The following MALRD1 variants were observed in gnomAD, a reference collection of about 807,000 sequenced individuals.
The protein encoded by MALRD1 is MAM and LDL receptor class A domain containing 1.
A neutral mutation model predicts 242.1 loss-of-function variants in MALRD1; 247 were observed. That is an observed-to-expected ratio of 1.02 (90% confidence interval 0.92 to 1.13). The LOEUF (loss-of-function observed/expected upper bound fraction) is 1.13, where lower values mean the gene tolerates loss of function less well. Among genes scored for constraint, MALRD1 ranks in the 50% most tolerant of loss-of-function variants. MALRD1 has a pLI of 0.00. For missense variants in MALRD1, 2,989 were observed against 2,533.1 expected (o/e 1.18, Z -3.86); for synonymous variants, 995 against 866.6 (o/e 1.15, Z -2.60).
At chr10:19,272,766 G>C (rs879995539) in intron 19 of MALRD1, among the ~76,000 whole-genome samples, 2 of 152,116 alleles carry the variant, frequency 1.3e-5, no homozygotes, top group Non-Finnish European at 2.9e-5. Flanking sequence ...CCCACTGTGA[G>C]TGAGAACATG....
At chr10:19,663,415 C>G (rs1207330869) in intron 36 of MALRD1, among the ~76,000 whole-genome samples, 1 of 152,030 alleles carries the variant, frequency 6.6e-6, no homozygotes, top group Non-Finnish European at 1.5e-5. Context: ...TTTTCCTTAT[C>G]CAGTCCTCCA....
intron 28 of MALRD1, among the ~76,000 whole-genome samples, chr10:19,445,819 C>T (rs987959494): frequency 6.6e-6 from 1 of 152,218 alleles, no homozygotes; most frequent in Non-Finnish European, 1.5e-5. Flanking sequence ...CTACTGTCTT[C>T]AAAGCTGTCA....
intron 5 of MALRD1, among the ~76,000 whole-genome samples, chr10:19,118,714 C>T (rs916072519): frequency 6.6e-6 from 1 of 152,126 alleles, no homozygotes; most frequent in African/African-American, 2.4e-5. Context: ...CCATCATGGC[C>T]TGAACTAGTT....
At chr10:19,062,571 A>G (rs1834853970) in intron 1 of MALRD1, among the ~76,000 whole-genome samples, 3 of 151,712 alleles carry the variant, frequency 2.0e-5, no homozygotes, top group Non-Finnish European at 2.9e-5. Flanking sequence ...ATTTTATATG[A>G]TATGACATAG....
At chr10:19,238,519 T>A (rs111156765) in intron 18 of MALRD1, among the ~76,000 whole-genome samples, 5 of 72,304 alleles carry the variant, frequency 6.9e-5, no homozygotes, top group East Asian at 9.2e-4. Context: ...TAATGTATAT[T>A]ATATATAATA....
chr10:19,170,722 T>C (rs1023862703), intron 13 of MALRD1, among the ~76,000 whole-genome samples: 2 of 152,160 alleles, frequency 1.3e-5, no homozygotes, highest in African/African-American at 4.8e-5. Flanking sequence ...CAGGATAGTA[T>C]AATCATTAAT....
At chr10:19,644,382 C>T (rs980016101) in intron 36 of MALRD1, among the ~76,000 whole-genome samples, 1 of 152,198 alleles carries the variant, frequency 6.6e-6, no homozygotes, top group Non-Finnish European at 1.5e-5. Flanking sequence ...TTAACGTTGC[C>T]TGGAGGCTCA....
At chr10:19,316,400 A>C (rs914964181) in intron 21 of MALRD1, among the ~76,000 whole-genome samples, 1 of 151,698 alleles carries the variant, frequency 6.6e-6, no homozygotes, top group East Asian at 2.0e-4. Context: ...GTGTGGAGCT[A>C]TGGGGTTGGC....
At position 19,649,899 on chromosome 10, in the gene MALRD1, T is replaced by TA. The variant is rs527721147; in HGVS notation, c.6137+33977dup. On this transcript the variant is annotated intron_variant, in intron 36 of 39. Transcript: ENST00000454679. ...CTTTAATCCATCTTGAGTTGATTTT[T>TA]ATATATGGTGTGAGGAAGGTTTCCA... is the stretch of plus-strand genomic sequence containing the variant. Among the ~76,000 whole-genome samples the TA allele has an allele frequency of 2.7e-4, 41 of 152,314 alleles. No individual in the cohort carries two copies. In the South Asian group the frequency reaches 7.5e-3, roughly 28 times the overall value.
intron 29 of MALRD1, among the ~76,000 whole-genome samples, chr10:19,456,120 C>A (rs1209875295): frequency 6.6e-6 from 1 of 152,000 alleles, no homozygotes; most frequent in Non-Finnish European, 1.5e-5. Context: ...ATTTAGGGAA[C>A]AGAGAATGTT....
intron 38 of MALRD1, among the ~76,000 whole-genome samples, chr10:19,704,997 A>G (rs9418264): frequency 0.61 from 92,270 of 151,618 alleles, 28,747 homozygotes; most frequent in African/African-American, 0.74. Context: ...AAAAGAAAGA[A>G]AGGTGATTAG....
At chr10:19,365,901 C>T (rs981688491) in intron 26 of MALRD1, among the ~76,000 whole-genome samples, 1 of 151,990 alleles carries the variant, frequency 6.6e-6, no homozygotes, top group Non-Finnish European at 1.5e-5. Flanking sequence ...CTGCCCTCCA[C>T]CCCAGCACTC....
chr10:19,082,018 T>A (rs1835506233), intron 2 of MALRD1, among the ~76,000 whole-genome samples: 1 of 151,972 alleles, frequency 6.6e-6, no homozygotes, highest in South Asian at 2.1e-4. Context: ...TGATTATACC[T>A]ATCATCAGAG....
intron 1 of MALRD1, among the ~76,000 whole-genome samples, chr10:19,058,986 G>A (rs963513064): frequency 1.3e-5 from 2 of 152,006 alleles, no homozygotes; most frequent in African/African-American, 4.8e-5. Context: ...CCCTCTAACT[G>A]GTAATTTTAC....
intron 36 of MALRD1, among the ~76,000 whole-genome samples, chr10:19,678,228 G>A (rs1006038039): frequency 6.6e-6 from 1 of 152,104 alleles, no homozygotes; most frequent in African/African-American, 2.4e-5. Context: ...CATTTAATGG[G>A]AATAGCAGTG....
At chr10:19,118,348 G>C (rs1329405262) in intron 5 of MALRD1, among the ~76,000 whole-genome samples, 1 of 152,174 alleles carries the variant, frequency 6.6e-6, no homozygotes, top group Non-Finnish European at 1.5e-5. Flanking sequence ...CTACAAGTTG[G>C]TTTTACACAA....
chr10:19,618,291 C>T (rs948361294), intron 36 of MALRD1, among the ~76,000 whole-genome samples: 1 of 152,018 alleles, frequency 6.6e-6, no homozygotes, highest in African/African-American at 2.4e-5. Flanking sequence ...CTGCAGTGAA[C>T]ATACGTATGG....
chr10:19,083,913 T>A (rs1303374133), intron 2 of MALRD1, among the ~76,000 whole-genome samples: 1 of 151,976 alleles, frequency 6.6e-6, no homozygotes, highest in African/African-American at 2.4e-5. Context: ...TTCTGACATT[T>A]TTGCCAGTTT....
At chr10:19,134,854 A>C (rs1002430998) in intron 9 of MALRD1, among the ~76,000 whole-genome samples, 3 of 152,200 alleles carry the variant, frequency 2.0e-5, no homozygotes, top group Admixed American at 1.3e-4. Flanking sequence ...TAATGTAATT[A>C]GCTGTTCAAT....
Sources: gnomAD v4.1 joint callset for allele counts (sites outside exome capture counted in the v4.1 genomes callset) on GRCh38, gnomAD v4.1.1 for gene constraint, MANE v1.5 for transcripts, NCBI Gene and HGNC (gene_info 2026-07-23, HGNC 2026-07-21) for gene names.